Variants in APCDD1 observed in about 807,000 individuals in gnomAD.
The protein encoded by APCDD1 is APC down-regulated 1.
In APCDD1, 15 loss-of-function variants were observed where a neutral mutation model predicts 38.1. The observed-to-expected ratio is 0.39, with a 90% CI of 0.26 to 0.61. The LOEUF is 0.61. Ranked by LOEUF, APCDD1 falls within the 20% of genes least tolerant of loss-of-function variation. The pLI, the probability that APCDD1 is intolerant of heterozygous loss-of-function variation, is 0.49. For synonymous variants in APCDD1, 261 were observed against 279.7 expected (o/e 0.93, Z 0.67); for missense variants, 647 against 696.2 (o/e 0.93, Z 0.79).
In APCDD1 at chr18:10,471,913, T is replaced by A; in HGVS notation, c.626T>A (p.Leu209His). 5 of 1,614,138 alleles carry A rather than the reference T, an allele frequency of 3.1e-6. No individual in the cohort carries two copies. The highest frequency in any genetic ancestry group is 4.2e-6 in the Non-Finnish European group (5 of 1,180,030). ...GCCGTGAACTTTGCCATGCATGAACTTCAGCTCATCCGGGTGGAGAAGCAG... is the reference window on the plus strand; with the variant it reads ...GCCGTGAACTTTGCCATGCATGAACATCAGCTCATCCGGGTGGAGAAGCAG... ...TKAVNFAMHE[L>H]QLIRVEKQYL... The change falls in exon 3 of 5, where the codon CTT becomes CAT. Residue 209 changes from leucine (L) to histidine (H), a missense_variant. By Grantham distance (99) the Leu-to-His change is moderately conservative. Transcript: ENST00000355285. This position sits in a 1 kb window ranked among gnomAD's most constrained non-coding sequence, Gnocchi z 5.5.
At position 10,454,793 on chromosome 18, in the gene APCDD1, C is replaced by A. The variant is rs1260359125; in HGVS notation, c.-189C>A. ...GGCCGGGGCGCCCACAGCCGCCCGA[C>A]GGCGCCCAGAGAGCGCGCGCCCCGC... On this transcript the variant is annotated 5_prime_UTR_variant, in exon 1 of 5. Coordinates refer to ENST00000355285, the MANE Select transcript of APCDD1 (RefSeq NM_153000.5). 2 of 981,036 alleles carry A rather than the reference C, an allele frequency of 2.0e-6. No individual in the cohort carries two copies. The highest frequency in any genetic ancestry group is 3.5e-5 in the African/African-American group (2 of 56,660). 60.8% of individuals were successfully genotyped at this position (981,036 alleles called of 1,614,324 possible).
Position 10,472,689 on chromosome 18 carries a change from C to G in APCDD1, c.774+628C>G, listed in dbSNP as rs1270573506. ...AGTCCAAAGGTCCTTCCTCCATACC[C>G]CACGTTCTTTTCATTTCACTAAGGA... is the stretch of plus-strand genomic sequence containing the variant. On this transcript the variant is annotated intron_variant, in intron 3 of 4. Transcript: ENST00000355285. The surrounding 1 kb of genome is among the most constrained non-coding windows in gnomAD (Gnocchi z 6.6). Among the ~76,000 whole-genome samples, 1 of 152,224 alleles carries G rather than the reference C, an allele frequency of 6.6e-6. No homozygotes were observed. Among genetic ancestry groups the G allele is most frequent in the Non-Finnish European group, 1.5e-5 (1 of 68,036 alleles).
Position 10,485,484 on chromosome 18 carries a change from C to T in APCDD1, c.797C>T (p.Ala266Val). The T allele has an allele frequency of 6.2e-7, 1 of 1,614,146 alleles. No individual in the cohort carries two copies. Among genetic ancestry groups the T allele is most frequent in the Non-Finnish European group, 8.5e-7 (1 of 1,180,044 alleles). Residue 266 changes from alanine to valine, a missense_variant, in exon 4 of 5, where the codon GCC (alanine) becomes GTC (valine). Coordinates refer to ENST00000355285, the MANE Select transcript of APCDD1 (RefSeq NM_153000.5). This position sits in a 1 kb window ranked among gnomAD's most constrained non-coding sequence, Gnocchi z 5.8. Reference protein sequence around the residue: ...NAKNHDHACIACRIIYRSDEH... With the variant: ...NAKNHDHACIVCRIIYRSDEH... ...CAGAACCACGACCATGCCTGCATCG[C>T]CTGTCGGATCATCTATCGGTCAGAC... is the stretch of plus-strand genomic sequence containing the variant.
intron 1 of APCDD1, among the ~76,000 whole-genome samples, chr18:10,461,164 C>T (rs2030531666): frequency 6.6e-6 from 1 of 152,092 alleles, no homozygotes; most frequent in Admixed American, 6.5e-5. Flanking sequence ...ATCACTAGTG[C>T]ACACACGCAG....
intron 1 of APCDD1, among the ~76,000 whole-genome samples, chr18:10,459,737 C>T (rs1194626280): frequency 6.6e-6 from 1 of 152,122 alleles, no homozygotes; most frequent in African/African-American, 2.4e-5. Context: ...CTACCAGCAC[C>T]CACTTCAAAG....
At chr18:10,455,511 G>A (rs1467536629) in intron 1 of APCDD1, among the ~76,000 whole-genome samples, 2 of 152,196 alleles carry the variant, frequency 1.3e-5, no homozygotes, top group Non-Finnish European at 2.9e-5. Context: ...GGAAAGACAC[G>A]TCTGTCTGCC....
Position 10,476,594 on chromosome 18 carries a change from C to T in APCDD1, c.774+4533C>T, listed in dbSNP as rs983732132. On this transcript the variant is annotated intron_variant, in intron 3 of 4. Transcript: ENST00000355285. The surrounding 1 kb of genome is among the most constrained non-coding windows in gnomAD (Gnocchi z 5.8). Reference sequence around the variant, plus strand: ...ATTAAAAGCAAATGATTGCCAAGGTCGTTAGAGATGCCAGAGCCTCAGGAT... The same window carrying T: ...ATTAAAAGCAAATGATTGCCAAGGTTGTTAGAGATGCCAGAGCCTCAGGAT... 21 of 152,264 alleles carry T rather than the reference C, an allele frequency of 1.4e-4. 1 individual carries two copies. Among genetic ancestry groups the T allele is most frequent in the Admixed American group, 2.6e-4 (4 of 15,304 alleles). 9.4% of individuals were successfully genotyped at this position (152,264 alleles called of 1,614,324 possible). A position where few individuals can be genotyped will look rare whatever the true frequency, so the allele number is the denominator to read the frequency against.
intron 3 of APCDD1, chr18:10,477,804 T>G (rs1373383112): frequency 6.6e-6 from 1 of 152,170 alleles, no homozygotes; most frequent in Non-Finnish European, 1.5e-5. Flanking sequence ...TCTACTTTAA[T>G]TATTTAAATG....
At chr18:10,468,743 T>A (rs1241198964) in intron 2 of APCDD1, 91 bp downstream of exon 2, 1 of 1,330,452 alleles carries the variant, frequency 7.5e-7, no homozygotes, top group African/African-American at 1.4e-5. Flanking sequence ...AGACTTTATA[T>A]CATTTACAAT....
chr18:10,463,297 C>CTGGGCAA (rs2030618420), intron 1 of APCDD1, among the ~76,000 whole-genome samples: 1 of 152,146 alleles, frequency 6.6e-6, no homozygotes, highest in Non-Finnish European at 1.5e-5. Context: ...CTTGCCCAAC[C>CTGGGCAA]GAGACTCCCT....
At chr18:10,478,273 G>A (rs1282065916) in intron 3 of APCDD1, among the ~76,000 whole-genome samples, 1 of 152,238 alleles carries the variant, frequency 6.6e-6, no homozygotes, top group East Asian at 1.9e-4. Flanking sequence ...GGCTCTCTGA[G>A]TACCCCTGGC....
rs1278355581 is a variant in APCDD1 at position 10,476,507 on chromosome 18, G to C, written c.774+4446G>C. 1 of 152,228 alleles carries C rather than the reference G, an allele frequency of 6.6e-6. No individual in the cohort carries two copies. The highest frequency in any genetic ancestry group is 1.9e-4 in the East Asian group (1 of 5,198). 9.4% of individuals were successfully genotyped at this position (152,228 alleles called of 1,614,324 possible). A position where few individuals can be genotyped will look rare whatever the true frequency, so the allele number is the denominator to read the frequency against. Reference sequence around the variant, plus strand: ...CATAATCCTCTGCCGAGATTCTTCAGAACTATGCAGTTGGAGGGGTAGAAG... The same window carrying C: ...CATAATCCTCTGCCGAGATTCTTCACAACTATGCAGTTGGAGGGGTAGAAG... On this transcript the variant is annotated intron_variant, in intron 3 of 4. Transcript: ENST00000355285. This position sits in a 1 kb window ranked among gnomAD's most constrained non-coding sequence, Gnocchi z 5.8.
At chr18:10,484,587 C>G (rs933128766) in intron 3 of APCDD1, among the ~76,000 whole-genome samples, 32 of 152,178 alleles carry the variant, frequency 2.1e-4, no homozygotes, top group African/African-American at 2.9e-4. Flanking sequence ...CCTTGTCCCC[C>G]CCTTCCAGCT....
chr18:10,457,438 A>G (rs1364144420), intron 1 of APCDD1, among the ~76,000 whole-genome samples: 1 of 152,242 alleles, frequency 6.6e-6, no homozygotes, highest in Non-Finnish European at 1.5e-5. Flanking sequence ...GTGTGATCAT[A>G]TATTTAAATA....
At chr18:10,459,475 T>G (rs907900063) in intron 1 of APCDD1, among the ~76,000 whole-genome samples, 1 of 152,242 alleles carries the variant, frequency 6.6e-6, no homozygotes, top group African/African-American at 2.4e-5. Flanking sequence ...GAAAAGTAAC[T>G]TGTTTTCAAC....
intron 1 of APCDD1, among the ~76,000 whole-genome samples, chr18:10,465,242 G>T (rs1182202864): frequency 2.0e-5 from 3 of 152,186 alleles, no homozygotes; most frequent in African/African-American, 4.8e-5. Flanking sequence ...GCCATGAGGG[G>T]TGACATTCCC....
rs149477096 is a variant in APCDD1, at chr18:10,485,261, G to C, written c.775-201G>C. ...ACACCTGAAATGTTTGCATAGGTCT[G>C]TACTGTCAGGCAAACGTGTGCACTC... On this transcript the variant is annotated intron_variant, in intron 3 of 4. Coordinates refer to ENST00000355285, the MANE Select transcript of APCDD1 (RefSeq NM_153000.5). This position sits in a 1 kb window ranked among gnomAD's most constrained non-coding sequence, Gnocchi z 5.8. 1.2e-3 allele frequency among the ~76,000 whole-genome samples: 188 copies of C among 151,426 alleles called. No individual in the cohort carries two copies. Among genetic ancestry groups the C allele is most frequent in the African/African-American group, 4.2e-3 (173 of 41,494 alleles).
At position 10,468,477 on chromosome 18, in the gene APCDD1, G is replaced by A; in HGVS notation, c.67G>A (p.Glu23Lys). 6.2e-7 allele frequency: 1 copy of A among 1,614,220 alleles called. No homozygotes were observed. Among genetic ancestry groups the A allele is most frequent in the East Asian group, 2.2e-5 (1 of 44,892 alleles). Residue 23 changes from glutamate (E) to lysine (K), a missense_variant, in exon 2 of 5, where the codon GAG (glutamate) becomes AAG (lysine). By Grantham distance (56) the Glu-to-Lys change is moderately conservative (BLOSUM62 1). Coordinates refer to ENST00000355285, the MANE Select transcript of APCDD1 (RefSeq NM_153000.5). The part of the protein sequence containing the change: ...FPALLLHGLG[E>K]GSALLHPDSR... The stretch of plus-strand genomic sequence containing the variant: ...CCACCTTTATTTTTCAGGGCTGGGA[G>A]AGGGTTCTGCCCTCCTTCATCCAGA...
intron 1 of APCDD1, among the ~76,000 whole-genome samples, chr18:10,463,138 C>A (rs1228318576): frequency 6.6e-6 from 1 of 151,936 alleles, no homozygotes; most frequent in Non-Finnish European, 1.5e-5. Context: ...ATCTCTCACT[C>A]CTGCCCCCCA....
Sources: gnomAD v4.1 joint callset for allele counts (sites outside exome capture counted in the v4.1 genomes callset) on GRCh38, gnomAD v4.1.1 for gene constraint, Gnocchi (gnomAD v3.1) non-coding constraint, MANE v1.5 for transcripts, NCBI Gene and HGNC (gene_info 2026-07-23, HGNC 2026-07-21) for gene names.